The following ATG7 variants were observed in gnomAD, a reference collection of about 807,000 sequenced individuals.
The protein encoded by ATG7 is autophagy related 7.
ATG7 carries 70 observed loss-of-function variants against 82.4 expected under a neutral mutation model. The observed-to-expected ratio is 0.85, with a 90% CI of 0.70 to 1.04. ATG7 has a LOEUF of 1.04. Ranked by LOEUF, ATG7 falls within the 50% of genes least tolerant of loss-of-function variation. The pLI, the probability that ATG7 is intolerant of heterozygous loss-of-function variation, is 0.00. For missense variants in ATG7, 792 were observed against 864.3 expected, an observed-to-expected ratio of 0.92 and a Z score of 1.05; for synonymous variants, 287 against 313.0, an observed-to-expected ratio of 0.92 and a Z score of 0.88.
chr3:11,568,008 T>A, the ATG7 span, among the ~76,000 whole-genome samples: 1 of 152,132 alleles, frequency 6.6e-6, no homozygotes, highest in Non-Finnish European at 1.5e-5. This position sits in a 1 kb window ranked among gnomAD's most constrained non-coding sequence, Gnocchi z 5.9. Context: ...GCTAGTTAAG[T>A]CCCTGTTCTG....
intron 17 of ATG7, chr3:11,363,218 T>C: frequency 9.6e-6 from 2 of 208,666 alleles, no homozygotes; most frequent in Non-Finnish European, 1.9e-5. Flanking sequence ...TCTAAGCACC[T>C]TAGAAATTTT....
At chr3:11,409,062 G>A (rs2152911372) in intron 19 of ATG7, among the ~76,000 whole-genome samples, 1 of 152,274 alleles carries the variant, frequency 6.6e-6, no homozygotes, top group South Asian at 2.1e-4. Flanking sequence ...TTTATTAAAT[G>A]TGTCTTTTGT....
At chr3:11,341,296 G>A (rs1327486260) in intron 12 of ATG7, among the ~76,000 whole-genome samples, 3 of 151,688 alleles carry the variant, frequency 2.0e-5, no homozygotes, top group African/African-American at 4.8e-5. Context: ...TCCTGACCTC[G>A]TGATCCACCT....
At chr3:11,532,788 T>G (rs905512178) in intron 20 of ATG7, among the ~76,000 whole-genome samples, 1 of 152,208 alleles carries the variant, frequency 6.6e-6, no homozygotes, top group African/African-American at 2.4e-5. Context: ...TCTCCCCTTG[T>G]GGCAAGGATG....
intron 4 of ATG7, chr3:11,299,125 T>C (rs1946394193): frequency 1.7e-6 from 1 of 601,960 alleles, no homozygotes; most frequent in African/African-American, 1.9e-5. Context: ...AGATTGGAAA[T>C]ATTTTTTCCA....
At position 11,545,050 on chromosome 3, in the gene ATG7, C is replaced by T. The variant is rs1420121263; in HGVS notation, c.2080-9761C>T. 2.0e-5 allele frequency among the ~76,000 whole-genome samples: 3 copies of T among 152,216 alleles called. No homozygotes were observed. In the South Asian group the frequency reaches 6.2e-4, roughly 32 times the overall value. ...GGAGCCAGCTGTGTGGGAGGGGCTG[C>T]GGAGAGGAGCTTTCTAAGCCAAAGA... is the stretch of plus-strand genomic sequence containing the variant. On this transcript the variant is annotated intron_variant, in intron 20 of 20. Transcript: ENST00000693202.
chr3:11,297,080 A>G (rs901517798), intron 3 of ATG7, among the ~76,000 whole-genome samples: 2 of 152,186 alleles, frequency 1.3e-5, no homozygotes, highest in Non-Finnish European at 2.9e-5. Context: ...CCATTTGGCC[A>G]GGTGCAGTGG....
chr3:11,384,786 T>C (rs1189202943), intron 19 of ATG7, among the ~76,000 whole-genome samples: 1 of 151,976 alleles, frequency 6.6e-6, no homozygotes, highest in East Asian at 1.9e-4. Context: ...CATGGTGAAA[T>C]CCTGCCTCTA....
chr3:11,379,926 G>A, intron 18 of ATG7, 46 bp from the exon 19 acceptor site: 1 of 1,570,710 alleles, frequency 6.4e-7, no homozygotes, highest in East Asian at 2.2e-5. Context: ...CATAGATGTG[G>A]TCGTTGTGTG....
intron 13 of ATG7, among the ~76,000 whole-genome samples, chr3:11,343,788 A>G (rs905361824): frequency 2.0e-5 from 3 of 152,178 alleles, no homozygotes; most frequent in Non-Finnish European, 4.4e-5. Context: ...ACCCCCTTAT[A>G]TACCTGAGTC....
downstream of ATG7, among the ~76,000 whole-genome samples, chr3:11,560,964 A>G (rs1168358810): frequency 6.6e-6 from 1 of 152,090 alleles, no homozygotes; most frequent in Non-Finnish European, 1.5e-5. Context: ...CAGATCTCAC[A>G]CTGGCTGACC....
At chr3:11,325,123 A>G (rs1950685325) in intron 9 of ATG7, among the ~76,000 whole-genome samples, 1 of 152,182 alleles carries the variant, frequency 6.6e-6, no homozygotes, top group Admixed American at 6.5e-5. Flanking sequence ...CAGGTAGCCC[A>G]GGTGTGGTGT....
chr3:11,315,970 C>T (rs75822807), intron 9 of ATG7, among the ~76,000 whole-genome samples: 7,326 of 152,238 alleles, frequency 0.048, 234 homozygotes, highest in African/African-American at 0.085. Flanking sequence ...TGACCTGCTT[C>T]GGCCTCCCAA....
At chr3:11,372,247 GTTT>G (rs527282409) in intron 18 of ATG7, among the ~76,000 whole-genome samples, 1 of 151,072 alleles carries the variant, frequency 6.6e-6, no homozygotes, top group Non-Finnish European at 1.5e-5. Context: ...TCCCAGGTGG[GTTT>G]TTTAATATTC....
chr3:11,299,614 A>G (rs1946469859), intron 5 of ATG7, among the ~76,000 whole-genome samples, 198 bp downstream of exon 5: 1 of 152,020 alleles, frequency 6.6e-6, no homozygotes, highest in Non-Finnish European at 1.5e-5. Flanking sequence ...TTAATTTTTC[A>G]CCACCTATTT....
At chr3:11,534,298 AGAT>A (rs1402550559) in intron 20 of ATG7, among the ~76,000 whole-genome samples, 3 of 152,268 alleles carry the variant, frequency 2.0e-5, no homozygotes, top group Non-Finnish European at 2.9e-5. Flanking sequence ...GGCAGCAGGC[AGAT>A]GCCCGTTCTG....
intron 1 of ATG7, among the ~76,000 whole-genome samples, chr3:11,273,303 C>T (rs1940931919): frequency 6.6e-6 from 1 of 152,212 alleles, no homozygotes; most frequent in Admixed American, 6.5e-5. Flanking sequence ...CCTCTGCCCA[C>T]TGGCCAGATT....
intron 20 of ATG7, among the ~76,000 whole-genome samples, chr3:11,491,777 C>T (rs1001498769): frequency 2.6e-5 from 4 of 152,176 alleles, no homozygotes; most frequent in Admixed American, 6.5e-5. Context: ...GCGGTGTCTG[C>T]AGAATAGCGA....
Position 11,484,380 on chromosome 3 carries a change from G to T in ATG7, c.2079+57454G>T, listed in dbSNP as rs539191642. ...CTGTACTCTAGCCCGGATGACAGGA[G>T]ACTCCGTCTCAAAAAATGAAAAAAC... On this transcript the variant is annotated intron_variant, in intron 20 of 20. Transcript: ENST00000693202. 3.9e-5 allele frequency among the ~76,000 whole-genome samples: 6 copies of T among 152,150 alleles called. No individual in the cohort carries two copies. In the East Asian group the frequency reaches 1.2e-3, roughly 29 times the overall value.
Sources: allele counts gnomAD v4.1 joint callset (sites outside exome capture counted in the v4.1 genomes callset), GRCh38; gene constraint gnomAD v4.1.1; non-coding constraint Gnocchi (gnomAD v3.1); transcripts MANE v1.5; gene names NCBI Gene and HGNC (gene_info 2026-07-23, HGNC 2026-07-21).